Variants in ZNF804B observed in about 807,000 individuals in gnomAD.
ZNF804B encodes the protein zinc finger protein 804B, also known as zinc finger 804B.
A neutral mutation model predicts 101.4 loss-of-function variants in ZNF804B; 80 were observed. The observed-to-expected ratio is 0.79, with a 90% confidence interval of 0.66 to 0.95. ZNF804B has a LOEUF of 0.95. Ranked by LOEUF, ZNF804B falls within the 40% of genes least tolerant of loss-of-function variation. The pLI, the probability that ZNF804B is intolerant of heterozygous loss-of-function variation, is 0.00. For missense variants in ZNF804B, 1,673 were observed against 1,561.9 expected (o/e 1.07, Z -1.20); for synonymous variants, 622 against 558.8 (o/e 1.11, Z -1.59).
chr7:89,293,585 C>T (rs1474584634), intron 2 of ZNF804B, among the ~76,000 whole-genome samples: 1 of 151,982 alleles, frequency 6.6e-6, no homozygotes, highest in Non-Finnish European at 1.5e-5. Context: ...GAGATCGAGA[C>T]CATCCTGGCT....
At chr7:89,002,135 CTA>C (rs972860866) in intron 1 of ZNF804B, among the ~76,000 whole-genome samples, 93 of 151,400 alleles carry the variant, frequency 6.1e-4, no homozygotes, top group African/African-American at 1.9e-3. Flanking sequence ...AGATCAAAAA[CTA>C]AAACACTGTT....
At position 88,854,402 on chromosome 7, in the gene ZNF804B, T is replaced by TCTTTCTTTCTTC. The variant is rs1185103919; in HGVS notation, c.108+94330_108+94341dup. 5.7e-3 allele frequency among the ~76,000 whole-genome samples: 745 copies of TCTTTCTTTCTTC among 130,066 alleles called. 24 individuals are homozygous for TCTTTCTTTCTTC. Among genetic ancestry groups the TCTTTCTTTCTTC allele is most frequent in the Middle Eastern group, 7.7e-3 (2 of 260 alleles). 85.3% of individuals were successfully genotyped at this position (130,066 alleles called of 152,430 possible). On this transcript the variant is annotated intron_variant, in intron 1 of 3. Transcript: ENST00000333190. ...TCTGTACTGCATTTCTTTCTTTCTTTCTTTCTTTCTTCCTTTCTTTCTTTC... is the reference window on the plus strand; with the variant it reads ...TCTGTACTGCATTTCTTTCTTTCTTTCTTTCTTTCTTCCTTTCTTTCTTCCTTTCTTTCTTTC...
intron 1 of ZNF804B, among the ~76,000 whole-genome samples, chr7:88,776,780 A>ACCCCCC (rs10707553): frequency 3.1e-4 from 26 of 83,476 alleles, no homozygotes; most frequent in African/African-American, 5.5e-4. Flanking sequence ...TAACCCATAA[A>ACCCCCC]CCCCCCCCCC....
At position 89,234,000 on chromosome 7, in the gene ZNF804B, T is replaced by G. The variant is rs147833635; in HGVS notation, c.249+15705T>G. Among the ~76,000 whole-genome samples the G allele has an allele frequency of 2.7e-3, 407 of 152,304 alleles. 1 individual carries two copies. The highest frequency in any genetic ancestry group is 8.7e-3 in the African/African-American group (362 of 41,558). On this transcript the variant is annotated intron_variant, in intron 2 of 3. Coordinates refer to ENST00000333190, the MANE Select transcript of ZNF804B (RefSeq NM_181646.5). ...CCTTAGCATTTTCCACAATGGAGTGTGAATCTATTAATTTTAGACATAATG... is the reference window on the plus strand; with the variant it reads ...CCTTAGCATTTTCCACAATGGAGTGGGAATCTATTAATTTTAGACATAATG...
intron 1 of ZNF804B, among the ~76,000 whole-genome samples, chr7:89,171,838 A>G (rs1414351144): frequency 6.6e-6 from 1 of 152,130 alleles, no homozygotes; most frequent in African/African-American, 2.4e-5. Flanking sequence ...GGATCATCTT[A>G]TTTTGAAGTC....
intron 1 of ZNF804B, among the ~76,000 whole-genome samples, chr7:88,953,855 A>G (rs67176519): frequency 0.14 from 20,779 of 151,620 alleles, 1,895 homozygotes; most frequent in East Asian, 0.36. Context: ...TATTGATTGC[A>G]TTCTATTATA....
At chr7:88,885,516 G>A (rs151059243) in intron 1 of ZNF804B, among the ~76,000 whole-genome samples, 1 of 150,620 alleles carries the variant, frequency 6.6e-6, no homozygotes, top group East Asian at 1.9e-4. Flanking sequence ...GAGAATTTAT[G>A]TTTTCCCCTT....
At chr7:88,842,703 A>G (rs1791306378) in intron 1 of ZNF804B, among the ~76,000 whole-genome samples, 1 of 152,214 alleles carries the variant, frequency 6.6e-6, no homozygotes, top group Non-Finnish European at 1.5e-5. Flanking sequence ...GAAATAGTTC[A>G]GATATTTACT....
intron 1 of ZNF804B, among the ~76,000 whole-genome samples, chr7:89,092,595 C>A (rs557719461): frequency 6.6e-6 from 1 of 151,636 alleles, no homozygotes; most frequent in South Asian, 2.1e-4. Context: ...GCATTTTTAG[C>A]AGAGACAGTG....
intron 2 of ZNF804B, among the ~76,000 whole-genome samples, chr7:89,255,226 A>G (rs973170108): frequency 3.9e-5 from 6 of 152,296 alleles, no homozygotes; most frequent in African/African-American, 1.4e-4. Context: ...CTCAGATTTC[A>G]TAAGACTCAC....
intron 1 of ZNF804B, among the ~76,000 whole-genome samples, chr7:88,849,800 A>G (rs994576086): frequency 1.3e-5 from 2 of 151,796 alleles, no homozygotes; most frequent in African/African-American, 4.8e-5. Context: ...TAAATATATG[A>G]AAATTTAAAA....
At chr7:88,772,887 T>C (rs1187922405) in intron 1 of ZNF804B, among the ~76,000 whole-genome samples, 1 of 124,468 alleles carries the variant, frequency 8.0e-6, no homozygotes, top group East Asian at 2.7e-4. Context: ...ACTACTTTAT[T>C]TAAAGGTGGG....
At chr7:89,117,146 C>T (rs1203445265) in intron 1 of ZNF804B, among the ~76,000 whole-genome samples, 3 of 152,146 alleles carry the variant, frequency 2.0e-5, no homozygotes, top group Non-Finnish European at 2.9e-5. Context: ...GACACATTCT[C>T]CACTAGAGCT....
intron 1 of ZNF804B, among the ~76,000 whole-genome samples, chr7:89,176,186 G>T (rs2115565459): frequency 6.6e-6 from 1 of 151,956 alleles, no homozygotes; most frequent in Non-Finnish European, 1.5e-5. Context: ...TACCATGAAT[G>T]GGTATCATGG....
chr7:89,012,479 T>G (rs1348262351), intron 1 of ZNF804B, among the ~76,000 whole-genome samples: 1 of 152,084 alleles, frequency 6.6e-6, no homozygotes, highest in African/African-American at 2.4e-5. Flanking sequence ...TTTTAAACAT[T>G]CCAAGCCATC....
intron 1 of ZNF804B, among the ~76,000 whole-genome samples, chr7:88,881,757 G>C (rs1392933161): frequency 6.6e-6 from 1 of 151,998 alleles, no homozygotes; most frequent in Non-Finnish European, 1.5e-5. Flanking sequence ...TATTTATTCA[G>C]CTTATTTTTG....
chr7:89,091,056 C>T (rs996876734), intron 1 of ZNF804B, among the ~76,000 whole-genome samples: 5 of 152,098 alleles, frequency 3.3e-5, no homozygotes, highest in Admixed American at 3.3e-4. Flanking sequence ...CTAAATTTAT[C>T]TTTCCTGTTT....
At chr7:88,847,626 A>G (rs919520756) in intron 1 of ZNF804B, among the ~76,000 whole-genome samples, 16 of 152,298 alleles carry the variant, frequency 1.1e-4, no homozygotes, top group African/African-American at 3.6e-4. Context: ...GGCTCATATT[A>G]TCTTCACAAT....
intron 1 of ZNF804B, among the ~76,000 whole-genome samples, chr7:88,933,931 CAA>C (rs3034321): frequency 0.5 from 67,457 of 135,568 alleles, 16,724 homozygotes; most frequent in East Asian, 0.68. Flanking sequence ...TGTATTAAAC[CAA>C]AAAAAAAAAA....
Sources: allele counts gnomAD v4.1 joint callset (sites outside exome capture counted in the v4.1 genomes callset), GRCh38; gene constraint gnomAD v4.1.1; transcripts MANE v1.5; gene names NCBI Gene and HGNC (gene_info 2026-07-23, HGNC 2026-07-21).